The following WWOX variants were observed in gnomAD, a reference collection of about 807,000 sequenced individuals.
The protein encoded by WWOX is WW domain-containing oxidoreductase.
A neutral mutation model predicts 46.2 loss-of-function variants in WWOX; 69 were observed. That is an observed-to-expected ratio of 1.49 (90% CI 1.23 to 1.82). The LOEUF (loss-of-function observed/expected upper bound fraction) is 1.82, where lower values mean the gene tolerates loss of function less well. WWOX is among the 40% of genes most tolerant of loss of function. The probability of loss-of-function intolerance (pLI) is 0.00; values close to 1 mark genes in which losing one functional copy is unlikely to be tolerated. For synonymous variants in WWOX, 359 were observed against 202.6 expected, an observed-to-expected ratio of 1.77 and a Z score of -6.56; for missense variants, 919 against 542.6, an observed-to-expected ratio of 1.69 and a Z score of -6.89.
In WWOX at chr16:78,262,413, A is replaced by C. The variant is rs75698787; in HGVS notation, c.516+98124A>C. 1.9e-3 allele frequency among the ~76,000 whole-genome samples: 296 copies of C among 152,272 alleles called. 11 individuals are homozygous for C. The East Asian group carries it at 0.038, about 19-fold the overall frequency. ...CTCAAGGGACCTTCAGTCTGTTTGG[A>C]GCAATCTCTTTATTAATTTATTTAT... On this transcript the variant is annotated intron_variant, in intron 5 of 8. Coordinates refer to ENST00000566780, the MANE Select transcript of WWOX (RefSeq NM_016373.4).
In WWOX at chr16:78,980,423, G is replaced by A. The variant is rs569597519; in HGVS notation, c.1057-231185G>A. Reference sequence around the variant, plus strand: ...CTCTTGGCTGTAACCAAGTCTACACGATACCACTTGAATTGACAACATCAC... The same window carrying A: ...CTCTTGGCTGTAACCAAGTCTACACAATACCACTTGAATTGACAACATCAC... On this transcript the variant is annotated intron_variant, in intron 8 of 8. Coordinates refer to ENST00000566780, the MANE Select transcript of WWOX (RefSeq NM_016373.4). Among the ~76,000 whole-genome samples the A allele has an allele frequency of 7.9e-5, 12 of 152,250 alleles. 1 individual carries two copies. Among genetic ancestry groups the A allele is most frequent in the East Asian group, 5.8e-4 (3 of 5,184 alleles).
chr16:78,511,946 G>A (rs752156206), intron 8 of WWOX, among the ~76,000 whole-genome samples: 15 of 152,162 alleles, frequency 9.9e-5, no homozygotes, highest in Non-Finnish European at 1.6e-4. Context: ...ATTCTTCTGC[G>A]TTGAATGGGT....
chr16:78,240,884 T>C (rs1400912327), intron 5 of WWOX, among the ~76,000 whole-genome samples: 5 of 151,856 alleles, frequency 3.3e-5, no homozygotes, highest in African/African-American at 7.3e-5. Flanking sequence ...CTCCAGAACA[T>C]GAAGCCAAAG....
chr16:78,844,465 C>T (rs1048176376), intron 8 of WWOX, among the ~76,000 whole-genome samples: 3 of 152,068 alleles, frequency 2.0e-5, no homozygotes, highest in South Asian at 2.1e-4. Context: ...GAAGCCTTCT[C>T]TATTACCAGT....
At chr16:78,894,629 A>C (rs1174778709) in intron 8 of WWOX, among the ~76,000 whole-genome samples, 1 of 152,166 alleles carries the variant, frequency 6.6e-6, no homozygotes, top group Admixed American at 6.5e-5. Flanking sequence ...CGAGGGAGCA[A>C]GGTGGTACTT....
chr16:79,136,118 C>G (rs11644014), intron 8 of WWOX, among the ~76,000 whole-genome samples: 1 of 152,142 alleles, frequency 6.6e-6, no homozygotes, highest in Non-Finnish European at 1.5e-5. Context: ...TTTTCCAAAG[C>G]TAGTCAACGT....
intron 8 of WWOX, among the ~76,000 whole-genome samples, chr16:79,058,106 TAAA>T (rs1213609475): frequency 1.1e-4 from 9 of 81,730 alleles, no homozygotes; most frequent in African/African-American, 4.0e-4. Flanking sequence ...ATATCTTACT[TAAA>T]AAAAAAAAAA....
intron 8 of WWOX, among the ~76,000 whole-genome samples, chr16:78,954,762 A>C (rs1220321954): frequency 1.3e-5 from 2 of 152,128 alleles, no homozygotes; most frequent in African/African-American, 4.8e-5. Context: ...GCAAAGCTAC[A>C]TGACCAATTT....
chr16:78,996,629 C>A (rs1028942223), intron 8 of WWOX, among the ~76,000 whole-genome samples: 1 of 152,054 alleles, frequency 6.6e-6, no homozygotes, highest in Non-Finnish European at 1.5e-5. Flanking sequence ...AAGATTATGT[C>A]CATTCAGGGA....
At chr16:78,439,416 C>T (rs1390874168) in intron 8 of WWOX, among the ~76,000 whole-genome samples, 1 of 152,158 alleles carries the variant, frequency 6.6e-6, no homozygotes, top group Non-Finnish European at 1.5e-5. Flanking sequence ...ACTGAGGCCA[C>T]CTTCTTGCAG....
intron 8 of WWOX, among the ~76,000 whole-genome samples, chr16:78,750,241 A>G (rs1305444037): frequency 1.3e-5 from 2 of 152,290 alleles, no homozygotes; most frequent in East Asian, 1.9e-4. Flanking sequence ...CTGGTGGGTG[A>G]TCTCCACTGA....
chr16:79,195,333 G>C (rs1739058967), intron 8 of WWOX, among the ~76,000 whole-genome samples: 1 of 152,114 alleles, frequency 6.6e-6, no homozygotes, highest in African/African-American at 2.4e-5. Context: ...GAATGCTCCA[G>C]TCAATCCCAA....
At chr16:78,400,607 C>T (rs1354484369) in intron 6 of WWOX, among the ~76,000 whole-genome samples, 1 of 152,024 alleles carries the variant, frequency 6.6e-6, no homozygotes, top group East Asian at 1.9e-4. Flanking sequence ...GGTTTTTCTC[C>T]TCTTACCATC....
intron 8 of WWOX, among the ~76,000 whole-genome samples, chr16:78,756,695 C>G (rs7198697): frequency 1.3e-5 from 2 of 151,922 alleles, no homozygotes; most frequent in Non-Finnish European, 1.5e-5. Context: ...GTTAAACTAC[C>G]ATTAAGCAAC....
At chr16:78,760,107 C>G (rs1402613347) in intron 8 of WWOX, among the ~76,000 whole-genome samples, 2 of 152,144 alleles carry the variant, frequency 1.3e-5, no homozygotes, top group African/African-American at 4.8e-5. Context: ...GATGGACTCA[C>G]AGTTCCATGT....
At chr16:78,160,215 C>G (rs1448457280) in intron 4 of WWOX, among the ~76,000 whole-genome samples, 2 of 152,046 alleles carry the variant, frequency 1.3e-5, no homozygotes. Context: ...CAAGATCTCA[C>G]TCTGTCACCC....
At chr16:78,625,294 C>G (rs1434122693) in intron 8 of WWOX, among the ~76,000 whole-genome samples, 3 of 152,192 alleles carry the variant, frequency 2.0e-5, no homozygotes, top group Admixed American at 1.3e-4. Flanking sequence ...GACTGAGCTC[C>G]TCACTAAAGG....
At chr16:78,835,600 C>G (rs561603320) in intron 8 of WWOX, among the ~76,000 whole-genome samples, 163 of 152,252 alleles carry the variant, frequency 1.1e-3, no homozygotes, top group African/African-American at 3.8e-3. Context: ...GTCCTATTGG[C>G]TAGATCAGTT....
chr16:78,560,939 A>C (rs1342049098), intron 8 of WWOX, among the ~76,000 whole-genome samples: 1 of 152,112 alleles, frequency 6.6e-6, no homozygotes, highest in Non-Finnish European at 1.5e-5. Context: ...TATTAACTAC[A>C]ATTCTCTAGA....
Sources: allele counts gnomAD v4.1 joint callset (sites outside exome capture counted in the v4.1 genomes callset), GRCh38; gene constraint gnomAD v4.1.1; transcripts MANE v1.5; gene names NCBI Gene and HGNC (gene_info 2026-07-23, HGNC 2026-07-21).